The following CCDC3 variants were observed in gnomAD, a reference collection of about 807,000 sequenced individuals.
CCDC3 encodes the protein coiled-coil domain containing 3, also known as coiled-coil domain-containing protein 3.
CCDC3 carries 24 observed loss-of-function variants against 21.4 expected under a neutral mutation model. The observed-to-expected ratio is 1.12, with a 90% CI of 0.81 to 1.58. The LOEUF is 1.58. CCDC3 is among the 40% of genes most tolerant of loss of function. CCDC3 has a pLI of 0.00. For missense variants in CCDC3, 425 were observed against 360.9 expected (o/e 1.18, Z -1.44); for synonymous variants, 186 against 166.0 (o/e 1.12, Z -0.93).
At chr10:13,030,044 T>C (rs1836279065) in intron 5 of CCDC3, among the ~76,000 whole-genome samples, 1 of 152,130 alleles carries the variant, frequency 6.6e-6, no homozygotes, top group African/African-American at 2.4e-5. Flanking sequence ...AATTGTCAGA[T>C]TCACCAAAGC....
intron 3 of CCDC3, among the ~76,000 whole-genome samples, chr10:13,080,144 C>T (rs1837018463): frequency 6.6e-6 from 1 of 152,144 alleles, no homozygotes; most frequent in Non-Finnish European, 1.5e-5. Flanking sequence ...GCATGGATCC[C>T]ACCCAGCCCA....
At position 12,965,668 on chromosome 10, in the gene CCDC3, C is replaced by G. The variant is rs573779653; in HGVS notation, c.549+32670G>C. Among the ~76,000 whole-genome samples the G allele has an allele frequency of 7.2e-5, 11 of 152,296 alleles. No individual in the cohort carries two copies. In the East Asian group the frequency reaches 2.1e-3, roughly 29 times the overall value. ...AAACCAAGTGATTAGCCATGACATT[C>G]AAAGTATAAACAATTTGTCATTCGT... On this transcript the variant is annotated intron_variant, in intron 2 of 2. Coordinates refer to ENST00000378825, the MANE Select transcript of CCDC3 (RefSeq NM_031455.4).
chr10:12,979,283 T>C (rs1016257983), intron 2 of CCDC3, among the ~76,000 whole-genome samples: 2 of 152,124 alleles, frequency 1.3e-5, no homozygotes, highest in Non-Finnish European at 2.9e-5. Flanking sequence ...ATGAAAGATG[T>C]AGATTTACTG....
At chr10:13,094,471 G>A (rs572763182) in intron 3 of CCDC3, among the ~76,000 whole-genome samples, 2 of 151,890 alleles carry the variant, frequency 1.3e-5, no homozygotes, top group Non-Finnish European at 2.9e-5. Flanking sequence ...TGACCAGGAT[G>A]GTCTTGATCT....
intron 5 of CCDC3, among the ~76,000 whole-genome samples, chr10:13,009,203 A>C (rs1051298569): frequency 1.3e-5 from 2 of 152,238 alleles, no homozygotes; most frequent in African/African-American, 4.8e-5. Flanking sequence ...CTTAGAAATA[A>C]ATCTCATTAA....
At chr10:13,065,185 G>T in intron 4 of CCDC3, among the ~76,000 whole-genome samples, 1 of 152,156 alleles carries the variant, frequency 6.6e-6, no homozygotes, top group Non-Finnish European at 1.5e-5. Context: ...TTTTTAATTA[G>T]ATTAACCTGC....
chr10:12,994,502 G>A (rs1028480712), intron 2 of CCDC3, among the ~76,000 whole-genome samples: 5 of 151,934 alleles, frequency 3.3e-5, no homozygotes, highest in East Asian at 1.9e-4. Flanking sequence ...ATTGAAGATC[G>A]GCACATAATA....
intron 2 of CCDC3, among the ~76,000 whole-genome samples, chr10:12,914,863 T>C (rs1169074022): frequency 6.6e-6 from 1 of 152,190 alleles, no homozygotes; most frequent in Non-Finnish European, 1.5e-5. Context: ...TCATTTATTA[T>C]TATTTCTTTC....
chr10:13,054,802 G>A (rs1044598323), intron 4 of CCDC3, among the ~76,000 whole-genome samples: 1 of 152,104 alleles, frequency 6.6e-6, no homozygotes. Flanking sequence ...AAGTAGCTGG[G>A]ATTACAGGTA....
chr10:12,999,080 A>T (rs1474053831), intron 1 of CCDC3, among the ~76,000 whole-genome samples: 1 of 152,162 alleles, frequency 6.6e-6, no homozygotes, highest in Non-Finnish European at 1.5e-5. Flanking sequence ...TCTCTACTAA[A>T]AATACAAAAA....
intron 2 of CCDC3, among the ~76,000 whole-genome samples, chr10:12,928,951 A>C (rs928947448): frequency 1.3e-5 from 2 of 152,174 alleles, no homozygotes; most frequent in Non-Finnish European, 2.9e-5. Flanking sequence ...GGTCTGGGCA[A>C]CTGGGATCAC....
upstream of CCDC3, among the ~76,000 whole-genome samples, chr10:13,003,244 G>A (rs970218687): frequency 3.3e-5 from 5 of 152,170 alleles, no homozygotes; most frequent in African/African-American, 1.2e-4. Context: ...TTGACCATGG[G>A]CCAATCACTG....
chr10:12,944,957 A>G (rs898840547), intron 2 of CCDC3, among the ~76,000 whole-genome samples: 1 of 152,228 alleles, frequency 6.6e-6, no homozygotes, highest in Non-Finnish European at 1.5e-5. Context: ...CAGGCTGAGG[A>G]AAATGTGTAC....
chr10:12,936,434 C>T (rs1834739109), intron 2 of CCDC3, among the ~76,000 whole-genome samples: 1 of 152,032 alleles, frequency 6.6e-6, no homozygotes, highest in Non-Finnish European at 1.5e-5. Context: ...TCATGGCTCA[C>T]TGCAGCCTTG....
At chr10:12,968,514 G>A (rs1328377452) in intron 2 of CCDC3, among the ~76,000 whole-genome samples, 1 of 152,180 alleles carries the variant, frequency 6.6e-6, no homozygotes, top group African/African-American at 2.4e-5. Flanking sequence ...GAAAGAAGAT[G>A]CTAATGGGTA....
chr10:13,011,832 A>T (rs1457379978), intron 5 of CCDC3, among the ~76,000 whole-genome samples: 1 of 152,228 alleles, frequency 6.6e-6, no homozygotes, highest in African/African-American at 2.4e-5. Context: ...ACAGCATGGT[A>T]GTGGCACAAA....
intron 2 of CCDC3, among the ~76,000 whole-genome samples, chr10:12,961,033 C>A (rs1461414334): frequency 6.6e-6 from 1 of 152,146 alleles, no homozygotes; most frequent in Non-Finnish European, 1.5e-5. Context: ...AGGGAAGAGG[C>A]CAAGACATGC....
intron 3 of CCDC3, among the ~76,000 whole-genome samples, chr10:13,087,538 A>C (rs574747490): frequency 2.0e-5 from 3 of 152,232 alleles, no homozygotes; most frequent in African/African-American, 7.2e-5. Context: ...AAGGCTAAAA[A>C]CCAGCACAAG....
Position 12,929,488 on chromosome 10 carries a change from T to C in CCDC3, c.550-30809A>G, listed in dbSNP as rs529642778. Among the ~76,000 whole-genome samples, 7 of 152,238 alleles carry C rather than the reference T, an allele frequency of 4.6e-5. 1 individual carries two copies. The highest frequency in any genetic ancestry group is 1.7e-4 in the African/African-American group (7 of 41,548). On this transcript the variant is annotated intron_variant, in intron 2 of 2. Coordinates refer to ENST00000378825, the MANE Select transcript of CCDC3 (RefSeq NM_031455.4). The stretch of plus-strand genomic sequence containing the variant: ...CTCTGCCTCAGTGGCTCTAACACTC[T>C]CCCTGTGAAGGGCAATTCCTCCTTT...
Sources: gnomAD v4.1 joint callset for allele counts (sites outside exome capture counted in the v4.1 genomes callset) on GRCh38, gnomAD v4.1.1 for gene constraint, MANE v1.5 for transcripts, NCBI Gene and HGNC (gene_info 2026-07-23, HGNC 2026-07-21) for gene names.